The following EBF3 variants were observed in gnomAD, a reference collection of about 807,000 sequenced individuals.
EBF3 encodes transcription factor COE3.
Under a neutral mutation model 77.1 loss-of-function variants are expected in EBF3, and 18 were observed. The observed-to-expected ratio is 0.23, with a 90% CI of 0.16 to 0.35. The LOEUF (loss-of-function observed/expected upper bound fraction) is 0.35, where lower values mean the gene tolerates loss of function less well. Among genes scored for constraint, EBF3 ranks in the 10% least tolerant of loss-of-function variants. The pLI is 1.00. For missense variants in EBF3, 558 were observed against 860.0 expected (o/e 0.65, Z 4.39); for synonymous variants, 350 against 343.5 (o/e 1.02, Z -0.21).
chr10:129,914,107 C>T lies in EBF3; in HGVS notation c.555-36258G>A, dbSNP rs1855709103. On this transcript the variant is annotated intron_variant, in intron 6 of 16. Coordinates refer to ENST00000440978, the MANE Select transcript of EBF3 (RefSeq NM_001375380.1). ...AAATCTGTTGGGGTGAGGGGTTCCTCGAAGGACCTGAGGCCAGGCTGGGGC... is the reference window on the plus strand; with the variant it reads ...AAATCTGTTGGGGTGAGGGGTTCCTTGAAGGACCTGAGGCCAGGCTGGGGC... 3.3e-5 allele frequency among the ~76,000 whole-genome samples: 5 copies of T among 152,310 alleles called. No homozygotes were observed. In the South Asian group the frequency reaches 1.0e-3, roughly 32 times the overall value.
chr10:129,907,309 T>C (rs1855214922), intron 6 of EBF3, among the ~76,000 whole-genome samples: 1 of 152,254 alleles, frequency 6.6e-6, no homozygotes, highest in Non-Finnish European at 1.5e-5. Flanking sequence ...TTAATCAAGA[T>C]ATTCACTGCT....
chr10:129,884,427 A>G (rs1277563652), intron 6 of EBF3, among the ~76,000 whole-genome samples: 2 of 152,144 alleles, frequency 1.3e-5, no homozygotes, highest in Non-Finnish European at 2.9e-5. Flanking sequence ...GCCATTAGCT[A>G]TTACTGGGCT....
intron 10 of EBF3, among the ~76,000 whole-genome samples, chr10:129,849,993 G>A (rs1850745510): frequency 6.6e-6 from 1 of 152,256 alleles, no homozygotes; most frequent in Non-Finnish European, 1.5e-5. Context: ...CTCTGCCTAG[G>A]CCCAGGCCAG....
At chr10:129,852,128 T>A (rs1850924292) in intron 10 of EBF3, among the ~76,000 whole-genome samples, 1 of 152,048 alleles carries the variant, frequency 6.6e-6, no homozygotes, top group Non-Finnish European at 1.5e-5. Flanking sequence ...CCAGAGCGGG[T>A]CATACAAATA....
chr10:129,904,271 T>G (rs1854979999), intron 6 of EBF3, among the ~76,000 whole-genome samples: 1 of 152,222 alleles, frequency 6.6e-6, no homozygotes, highest in African/African-American at 2.4e-5. Flanking sequence ...TAGCAACAAC[T>G]GTTAGCTTGC....
Position 129,963,664 on chromosome 10 carries a change from G to A in EBF3, c.105C>T (p.Gly35=), listed in dbSNP as rs754946256. 2 of 1,503,280 alleles carry A rather than the reference G, an allele frequency of 1.3e-6. No homozygotes were observed. The highest frequency in any genetic ancestry group is 1.8e-6 in the Non-Finnish European group (2 of 1,117,830). The allele number at this position is 1,503,280 out of a possible 1,614,324, so 93.1% of individuals were successfully genotyped here. A position where few individuals can be genotyped will look rare whatever the true frequency, so the allele number is the denominator to read the frequency against. The change falls in exon 1 of 17, where the codon GGC becomes GGT. Residue 35 remains glycine, a synonymous_variant. Coordinates refer to ENST00000440978, the MANE Select transcript of EBF3 (RefSeq NM_001375380.1). The surrounding 1 kb of genome is among the most constrained non-coding windows in gnomAD (Gnocchi z 7.1). Reference sequence around the variant, plus strand: ...GGGCGGCCGTGTTGGCGTCCACCACGCCCGCCGTGTGCATCCACGAGCGCA... The same window carrying A: ...GGGCGGCCGTGTTGGCGTCCACCACACCCGCCGTGTGCATCCACGAGCGCA... ...NPVRSWMHTA[G]VVDANTAAQS... is the part of the protein sequence containing the mutation.
chr10:129,917,552 T>C lies in EBF3; in HGVS notation c.555-39703A>G, dbSNP rs7904264. Among the ~76,000 whole-genome samples the C allele has an allele frequency of 5.9e-3, 877 of 148,194 alleles. 6 individuals carry two copies. The highest frequency in any genetic ancestry group is 0.02 in the African/African-American group (793 of 40,126). ...GTGCACCTGAAGTCCCAGCTCCTCA[T>C]GAGGCTTGAAGCCAGGAGTTTGAGG... On this transcript the variant is annotated intron_variant, in intron 6 of 16. Coordinates refer to ENST00000440978, the MANE Select transcript of EBF3 (RefSeq NM_001375380.1).
Position 129,841,250 on chromosome 10 carries a change from A to G in EBF3, c.1373-218T>C, listed in dbSNP as rs1020054901. On this transcript the variant is annotated intron_variant, in intron 13 of 16. Transcript: ENST00000440978. The surrounding 1 kb of genome is among the most constrained non-coding windows in gnomAD (Gnocchi z 4.6). Reference sequence around the variant, plus strand: ...CCATCCTGTCTCTGCTGGCTTCAACAGCCAGCCGGGGCGCGCTTCGATCTC... The same window carrying G: ...CCATCCTGTCTCTGCTGGCTTCAACGGCCAGCCGGGGCGCGCTTCGATCTC... 5.9e-5 allele frequency among the ~76,000 whole-genome samples: 9 copies of G among 152,052 alleles called. No homozygotes were observed. Among genetic ancestry groups the G allele is most frequent in the African/African-American group, 2.2e-4 (9 of 41,416 alleles).
chr10:129,839,969 T>C (rs751444769), intron 15 of EBF3, among the ~76,000 whole-genome samples: 126 of 152,000 alleles, frequency 8.3e-4, no homozygotes, highest in Non-Finnish European at 2.1e-4. Context: ...CCCACCCCCT[T>C]AGGGGCACAG....
At chr10:129,940,276 C>T (rs952732786) in intron 6 of EBF3, among the ~76,000 whole-genome samples, 4 of 152,128 alleles carry the variant, frequency 2.6e-5, no homozygotes, top group Admixed American at 2.6e-4. Flanking sequence ...CTCACAAAAC[C>T]CCACGCATTT....
Position 129,841,043 on chromosome 10 carries a change from C to CCCCG in EBF3, c.1373-12_1373-11insCGGG, listed in dbSNP as rs1554892379. ...TGCGACTGTAGCCGACTGTTGAAAT[C>CCCCG]CCCCCCCCGGCCAAAAATAACATTA... On this transcript the variant is annotated splice_polypyrimidine_tract_variant and intron_variant, in intron 13 of 16. Coordinates refer to ENST00000440978, the MANE Select transcript of EBF3 (RefSeq NM_001375380.1). The surrounding 1 kb of genome is among the most constrained non-coding windows in gnomAD (Gnocchi z 4.6). 7.6e-5 allele frequency: 103 copies of CCCCG among 1,350,210 alleles called. 1 individual carries two copies. The highest frequency in any genetic ancestry group is 4.4e-4 in the Middle Eastern group (2 of 4,596). The allele number at this position is 1,350,210 out of a possible 1,614,324, so 83.6% of individuals were successfully genotyped here. A position where few individuals can be genotyped will look rare whatever the true frequency, so the allele number is the denominator to read the frequency against.
At chr10:129,852,095 G>A (rs1282282368) in intron 10 of EBF3, among the ~76,000 whole-genome samples, 1 of 152,166 alleles carries the variant, frequency 6.6e-6, no homozygotes, top group Non-Finnish European at 1.5e-5. Flanking sequence ...CCAGATATCC[G>A]GCTATCATAT....
intron 6 of EBF3, among the ~76,000 whole-genome samples, chr10:129,892,062 G>C (rs1854055411): frequency 6.6e-6 from 1 of 152,242 alleles, no homozygotes; most frequent in African/African-American, 2.4e-5. Context: ...TGAGGACCCA[G>C]GGCTGGGACA....
intron 6 of EBF3, among the ~76,000 whole-genome samples, chr10:129,929,177 G>A (rs1377460759): frequency 1.3e-5 from 2 of 151,988 alleles, no homozygotes; most frequent in Non-Finnish European, 2.9e-5. Context: ...GTAGGAGGAT[G>A]GTCTTCTTTA....
chr10:129,848,489 G>A lies in EBF3; in HGVS notation c.1040-9C>T, dbSNP rs746021812. 1 of 1,613,966 alleles carries A rather than the reference G, an allele frequency of 6.2e-7. No homozygotes were observed. The highest frequency in any genetic ancestry group is 2.2e-5 in the East Asian group (1 of 44,888). ...GGTTGGTTCATTAAGGGCTGCAACA[G>A]GACACAGAAATGTAGATCAGGTTAA... On this transcript the variant is annotated splice_polypyrimidine_tract_variant and intron_variant, in intron 10 of 16. Transcript: ENST00000440978. The surrounding 1 kb of genome is among the most constrained non-coding windows in gnomAD (Gnocchi z 4.4).
intron 6 of EBF3, among the ~76,000 whole-genome samples, chr10:129,921,194 T>C (rs1023536708): frequency 6.6e-6 from 1 of 150,710 alleles, no homozygotes; most frequent in African/African-American, 2.4e-5. Context: ...AAGAATGTGC[T>C]GGATCGCAGT....
intron 6 of EBF3, among the ~76,000 whole-genome samples, chr10:129,878,252 T>C (rs1852932673): frequency 6.6e-6 from 1 of 152,176 alleles, no homozygotes; most frequent in Non-Finnish European, 1.5e-5. Flanking sequence ...CAAAAAATAA[T>C]GTCCCAAAGC....
At chr10:129,903,949 C>T (rs886628317) in intron 6 of EBF3, among the ~76,000 whole-genome samples, 11 of 152,150 alleles carry the variant, frequency 7.2e-5, no homozygotes, top group Non-Finnish European at 1.3e-4. Context: ...GTCCTCAAAA[C>T]CCTATACACG....
chr10:129,933,043 T>A (rs1857131870), intron 6 of EBF3, among the ~76,000 whole-genome samples: 1 of 152,138 alleles, frequency 6.6e-6, no homozygotes, highest in Non-Finnish European at 1.5e-5. Context: ...CCAAAAATTA[T>A]CATAAATATA....
Sources: allele counts gnomAD v4.1 joint callset (sites outside exome capture counted in the v4.1 genomes callset), GRCh38; gene constraint gnomAD v4.1.1; non-coding constraint Gnocchi (gnomAD v3.1); transcripts MANE v1.5; gene names NCBI Gene and HGNC (gene_info 2026-07-23, HGNC 2026-07-21).